The following S100A14 variants were observed in gnomAD, a reference collection of about 807,000 sequenced individuals.
S100A14 encodes the protein S100 calcium binding protein A14.
In S100A14, 6 loss-of-function variants were observed where a neutral mutation model predicts 10.6. The observed-to-expected ratio is 0.57, with a 90% CI of 0.31 to 1.12. The LOEUF (loss-of-function observed/expected upper bound fraction) is 1.12. Ranked by LOEUF, S100A14 falls within the 50% of genes most tolerant of loss-of-function variation. The probability of loss-of-function intolerance (pLI) is 0.06; values close to 1 mark genes in which losing one functional copy is unlikely to be tolerated. For missense variants in S100A14, 121 were observed against 128.7 expected (o/e 0.94, Z 0.29); for synonymous variants, 51 against 51.0 (o/e 1.00, Z 0.00).
chr1:153,615,762 G>T, intron 2 of S100A14, 67 bp downstream of exon 2: 1 of 1,542,658 alleles, frequency 6.5e-7, no homozygotes, highest in Non-Finnish European at 9.0e-7. Flanking sequence ...GTCAGTGGGG[G>T]GACATAGACC....
rs574623715 is a variant in S100A14, at chr1:153,614,803, A to G, written c.*82T>C. 1.6e-5 allele frequency: 24 copies of G among 1,511,850 alleles called. No individual in the cohort carries two copies. Among genetic ancestry groups the G allele is most frequent in the Admixed American group, 5.6e-5 (3 of 53,448 alleles). 93.7% of individuals were successfully genotyped at this position (1,511,850 alleles called of 1,614,324 possible). A position where few individuals can be genotyped will look rare whatever the true frequency, so the allele number is the denominator to read the frequency against. ...TGAGGACAGGTGCAGGCTAGGGTAC[A>G]GGGTGGTGGTAGAGGAGACAAGTTT... On this transcript the variant is annotated 3_prime_UTR_variant, in exon 4 of 4. Coordinates refer to ENST00000344616, the MANE Select transcript of S100A14 (RefSeq NM_020672.3).
At chr1:153,616,221 C>A in intron 1 of S100A14, 74 bp downstream of exon 1, 2 of 230,288 alleles carry the variant, frequency 8.7e-6, no homozygotes, top group Non-Finnish European at 9.0e-6. Flanking sequence ...GATCTGATCC[C>A]CCAGCTCTTA....
At position 153,615,237 on chromosome 1, in the gene S100A14, G is replaced by A; in HGVS notation, c.175C>T (p.Pro59Ser). The A allele has an allele frequency of 1.2e-6, 2 of 1,613,766 alleles. No individual in the cohort carries two copies. The highest frequency in any genetic ancestry group is 1.7e-6 in the Non-Finnish European group (2 of 1,179,942). Reference protein sequence around the residue: ...LVTQQLPHLMPSNCGLEEKIA... With the variant: ...LVTQQLPHLMSSNCGLEEKIA... ...GGTGGGGTGTGCTCCGTCCATACCG[G>A]CATGAGATGGGGCAGCTGCTGGGTG... The change falls in exon 3 of 4, where the codon CCG becomes TCG. Residue 59 changes from proline (P) to serine (S), a missense_variant and splice_region_variant. By Grantham distance (74) the Pro-to-Ser change is moderately conservative. Transcript: ENST00000344616.
intron 3 of S100A14, 61 bp downstream of exon 3, chr1:153,615,174 C>A (rs1666934102): frequency 2.5e-6 from 4 of 1,601,718 alleles, no homozygotes; most frequent in Non-Finnish European, 3.4e-6. Context: ...TGGGTGGGGT[C>A]CCGGAGCACT....
rs1186405570 is a variant in S100A14 at position 153,615,950 on chromosome 1, G to A, written c.-78-14C>T. On this transcript the variant is annotated splice_polypyrimidine_tract_variant and intron_variant, in intron 1 of 3. Coordinates refer to ENST00000344616, the MANE Select transcript of S100A14 (RefSeq NM_020672.3). ...ATGGCTCATGATCTGCTTAGAGGAGGGGGTAGGCCTGAGCTGAGGAGAGAG... is the reference window on the plus strand; with the variant it reads ...ATGGCTCATGATCTGCTTAGAGGAGAGGGTAGGCCTGAGCTGAGGAGAGAG... 3 of 1,293,910 alleles carry A rather than the reference G, an allele frequency of 2.3e-6. No individual in the cohort carries two copies. The highest frequency in any genetic ancestry group is 2.3e-5 in the East Asian group (1 of 42,652). The allele number at this position is 1,293,910 out of a possible 1,614,324, so 80.2% of individuals were successfully genotyped here.
chr1:153,615,667 A>G (rs1276406881), intron 2 of S100A14, among the ~76,000 whole-genome samples, 162 bp downstream of exon 2: 2 of 152,192 alleles, frequency 1.3e-5, no homozygotes, highest in African/African-American at 2.4e-5. Context: ...CTCCATCTGC[A>G]TCACCCTGTG....
rs1666908114 is a variant in S100A14 at position 153,614,318 on chromosome 1, C to A, written c.*567G>T. ...CAAAACAACCATCATTCTGTCAATG[C>A]CCAAGCACCCAGCTGGTCCTCTCCC... On this transcript the variant is annotated 3_prime_UTR_variant, in exon 4 of 4. Transcript: ENST00000344616. 6.6e-6 allele frequency: 1 copy of A among 152,382 alleles called. No individual in the cohort carries two copies. The highest frequency in any genetic ancestry group is 2.4e-5 in the African/African-American group (1 of 41,412). The allele number at this position is 152,382 out of a possible 1,614,324, so 9.4% of individuals were successfully genotyped here.
Position 153,614,317 on chromosome 1 carries a change from G to GCCCAAGCACCCAGCTGGT in S100A14, c.*550_*567dup, listed in dbSNP as rs1666908201. On this transcript the variant is annotated 3_prime_UTR_variant, in exon 4 of 4. Transcript: ENST00000344616. Reference sequence around the variant, plus strand: ...ACAAAACAACCATCATTCTGTCAATGCCCAAGCACCCAGCTGGTCCTCTCC... The same window carrying GCCCAAGCACCCAGCTGGT: ...ACAAAACAACCATCATTCTGTCAATGCCCAAGCACCCAGCTGGTCCCAAGCACCCAGCTGGTCCTCTCC... 2 of 152,254 alleles carry GCCCAAGCACCCAGCTGGT rather than the reference G, an allele frequency of 1.3e-5. No homozygotes were observed. Among genetic ancestry groups the GCCCAAGCACCCAGCTGGT allele is most frequent in the Admixed American group, 6.5e-5 (1 of 15,278 alleles). The allele number at this position is 152,254 out of a possible 1,614,324, so 9.4% of individuals were successfully genotyped here. A position where few individuals can be genotyped will look rare whatever the true frequency, so the allele number is the denominator to read the frequency against.
chr1:153,616,083 C>T (rs1666958731), intron 1 of S100A14, 147 bp from the exon 2 acceptor site: 1 of 496,268 alleles, frequency 2.0e-6, no homozygotes, highest in Non-Finnish European at 3.7e-6. Flanking sequence ...GCCTGGGCTT[C>T]AGGAGCCAAG....
Position 153,615,896 on chromosome 1 carries a change from T to C in S100A14, c.-38A>G, listed in dbSNP as rs1482257752. 3 of 1,611,814 alleles carry C rather than the reference T, an allele frequency of 1.9e-6. No homozygotes were observed. The African/African-American group carries it at 4.0e-5, about 22-fold the overall frequency. ...GTCTGGTCCTTTGGTGAGAGTTCTG[T>C]TGTCCTATAGCTGGCCCCAGAGGAG... On this transcript the variant is annotated 5_prime_UTR_variant, in exon 2 of 4. Transcript: ENST00000344616.
Position 153,614,890 on chromosome 1 carries a change from G to T in S100A14, c.310C>A (p.His104Asn). Residue 104 changes from histidine to asparagine, a missense_variant, in exon 4 of 4, where the codon CAC becomes AAC. Transcript: ENST00000344616. ...SVKLERPVRG[H>N] is the part of the protein sequence containing the mutation. ...AAGAATTCCAGAGGGAGTTCTCAGTGCCCCCGGACAGGCCTCTCCAGCTTC... is the reference window on the plus strand; with the variant it reads ...AAGAATTCCAGAGGGAGTTCTCAGTTCCCCCGGACAGGCCTCTCCAGCTTC... 6.2e-7 allele frequency: 1 copy of T among 1,613,050 alleles called. No individual in the cohort carries two copies. The highest frequency in any genetic ancestry group is 1.1e-5 in the South Asian group (1 of 91,006).
chr1:153,614,508 GT>G lies in S100A14; in HGVS notation c.*376del, dbSNP rs536980220. ...GATTGGGGAAGAGATTAGGAAGTAG[GT>G]TCTTAAAGACCCTTTTTTAGTACCA... On this transcript the variant is annotated 3_prime_UTR_variant, in exon 4 of 4. Coordinates refer to ENST00000344616, the MANE Select transcript of S100A14 (RefSeq NM_020672.3). 17 of 179,658 alleles carry G rather than the reference GT, an allele frequency of 9.5e-5. No homozygotes were observed. Among genetic ancestry groups the G allele is most frequent in the Non-Finnish European group, 1.5e-4 (13 of 84,290 alleles). The allele number at this position is 179,658 out of a possible 1,614,324, so 11.1% of individuals were successfully genotyped here. A position where few individuals can be genotyped will look rare whatever the true frequency, so the allele number is the denominator to read the frequency against.
rs980296752 is a variant in S100A14, at chr1:153,614,693, G to C, written c.*192C>G. The C allele has an allele frequency of 1.3e-5, 8 of 609,704 alleles. No homozygotes were observed. Among genetic ancestry groups the C allele is most frequent in the African/African-American group, 1.3e-4 (7 of 54,202 alleles). The allele number at this position is 609,704 out of a possible 1,614,324, so 37.8% of individuals were successfully genotyped here. A position where few individuals can be genotyped will look rare whatever the true frequency, so the allele number is the denominator to read the frequency against. ...CCAGTCCCCTGAGCCTCCCTCTGGT[G>C]GAGACTCCTCCACCCATGAGCTCCC... On this transcript the variant is annotated 3_prime_UTR_variant, in exon 4 of 4. Coordinates refer to ENST00000344616, the MANE Select transcript of S100A14 (RefSeq NM_020672.3).
Position 153,615,949 on chromosome 1 carries a change from G to A in S100A14, c.-78-13C>T, listed in dbSNP as rs984081124. ...GATGGCTCATGATCTGCTTAGAGGA[G>A]GGGGTAGGCCTGAGCTGAGGAGAGA... On this transcript the variant is annotated splice_polypyrimidine_tract_variant and intron_variant, in intron 1 of 3. Transcript: ENST00000344616. The A allele has an allele frequency of 1.4e-5, 19 of 1,316,614 alleles. No individual in the cohort carries two copies. The Middle Eastern group carries it at 5.4e-4, about 38-fold the overall frequency. The allele number at this position is 1,316,614 out of a possible 1,614,324, so 81.6% of individuals were successfully genotyped here. A position where few individuals can be genotyped will look rare whatever the true frequency, so the allele number is the denominator to read the frequency against.
rs992366683 is a variant in S100A14, at chr1:153,615,918, G to A, written c.-60C>T. The A allele has an allele frequency of 2.6e-6, 4 of 1,558,124 alleles. No individual in the cohort carries two copies. The highest frequency in any genetic ancestry group is 3.5e-6 in the Non-Finnish European group (4 of 1,129,324). ...CTGTTGTCCTATAGCTGGCCCCAGAGGAGCTGATGGCTCATGATCTGCTTA... is the reference window on the plus strand; with the variant it reads ...CTGTTGTCCTATAGCTGGCCCCAGAAGAGCTGATGGCTCATGATCTGCTTA... On this transcript the variant is annotated 5_prime_UTR_variant, in exon 2 of 4. Transcript: ENST00000344616.
In S100A14 at chr1:153,615,028, G is replaced by A; in HGVS notation, c.178-6C>T. On this transcript the variant is annotated splice_region_variant and splice_polypyrimidine_tract_variant and intron_variant, in intron 3 of 3. Coordinates refer to ENST00000344616, the MANE Select transcript of S100A14 (RefSeq NM_020672.3). ...TCTTCCAGGCCACAGTTGCTCTGAG[G>A]GGAGTGAAGAAACCATGGCTCAGGG... is the stretch of plus-strand genomic sequence containing the variant. 6.2e-7 allele frequency: 1 copy of A among 1,613,318 alleles called. No individual in the cohort carries two copies. Among genetic ancestry groups the A allele is most frequent in the Non-Finnish European group, 8.5e-7 (1 of 1,179,654 alleles).
chr1:153,615,275 AG>A lies in S100A14; in HGVS notation c.136del (p.Leu46TyrfsTer42). 1 of 1,613,970 alleles carries A rather than the reference AG, an allele frequency of 6.2e-7. No individual in the cohort carries two copies. Among genetic ancestry groups the A allele is most frequent in the Non-Finnish European group, 8.5e-7 (1 of 1,179,990 alleles). ...GGKETLTPSE[L>X]RDLVTQQLPH... ...CAGCTGCTGGGTGACCAGGTCCCGTAGCTCAGAAGGGGTCAGCGTCTCCTTC... is the reference window on the plus strand; with the variant it reads ...CAGCTGCTGGGTGACCAGGTCCCGTACTCAGAAGGGGTCAGCGTCTCCTTC... On this transcript the variant is annotated frameshift_variant, in exon 3 of 4. Coordinates refer to ENST00000344616, the MANE Select transcript of S100A14 (RefSeq NM_020672.3). LOFTEE classifies it high-confidence loss of function.
chr1:153,615,440 T>C, intron 2 of S100A14, 59 bp from the exon 3 acceptor site: 1 of 1,575,534 alleles, frequency 6.3e-7, no homozygotes, highest in Non-Finnish European at 8.6e-7. Context: ...AAACCCTGCT[T>C]CTCCAGGAGC....
At position 153,615,027 on chromosome 1, in the gene S100A14, G is replaced by T; in HGVS notation, c.178-5C>A. 1.2e-6 allele frequency: 2 copies of T among 1,613,446 alleles called. No individual in the cohort carries two copies. Among genetic ancestry groups the T allele is most frequent in the Non-Finnish European group, 8.5e-7 (1 of 1,179,664 alleles). ...CTCTTCCAGGCCACAGTTGCTCTGAGGGGAGTGAAGAAACCATGGCTCAGG... is the reference window on the plus strand; with the variant it reads ...CTCTTCCAGGCCACAGTTGCTCTGATGGGAGTGAAGAAACCATGGCTCAGG... On this transcript the variant is annotated splice_region_variant and splice_polypyrimidine_tract_variant and intron_variant, in intron 3 of 3. Transcript: ENST00000344616.
Sources: allele counts gnomAD v4.1 joint callset (sites outside exome capture counted in the v4.1 genomes callset), GRCh38; gene constraint gnomAD v4.1.1; transcripts MANE v1.5; gene names NCBI Gene and HGNC (gene_info 2026-07-23, HGNC 2026-07-21).